FOXN3: variants seen among roughly 807,000 people sequenced by gnomAD.
FOXN3 encodes forkhead box protein N3.
A neutral mutation model predicts 38.4 loss-of-function variants in FOXN3; 7 were observed. The ratio of observed to expected loss-of-function variants is 0.18; its 90% confidence interval spans 0.10 to 0.34. The LOEUF (loss-of-function observed/expected upper bound fraction) is 0.34. Among genes scored for constraint, FOXN3 ranks in the 10% least tolerant of loss-of-function variants. The probability of loss-of-function intolerance (pLI) is 1.00; values close to 1 mark genes in which losing one functional copy is unlikely to be tolerated. For synonymous variants in FOXN3, 230 were observed against 242.2 expected (o/e 0.95, Z 0.47); for missense variants, 456 against 613.4 (o/e 0.74, Z 2.71).
intron 1 of FOXN3, among the ~76,000 whole-genome samples, chr14:89,591,526 T>C (rs375331150): frequency 6.6e-6 from 1 of 152,188 alleles, no homozygotes; most frequent in Non-Finnish European, 1.5e-5. Context: ...AGGCACACAG[T>C]ATCCAATAAG....
intron 3 of FOXN3, among the ~76,000 whole-genome samples, chr14:89,282,932 T>A (rs1293616248): frequency 6.6e-6 from 1 of 152,206 alleles, no homozygotes; most frequent in African/African-American, 2.4e-5. Flanking sequence ...CCTTTTAATG[T>A]ACTTAAATCA....
chr14:89,349,304 T>C (rs1284957610), intron 3 of FOXN3, among the ~76,000 whole-genome samples: 2 of 152,124 alleles, frequency 1.3e-5, no homozygotes, highest in Admixed American at 1.3e-4. Flanking sequence ...AATCCCACTT[T>C]CTCTCCTACA....
chr14:89,571,330 G>A (rs1200196918), intron 1 of FOXN3, among the ~76,000 whole-genome samples: 1 of 152,068 alleles, frequency 6.6e-6, no homozygotes, highest in Non-Finnish European at 1.5e-5. Context: ...CCAACATGGT[G>A]AAATCCCACC....
At chr14:89,321,247 C>T (rs185906490) in intron 3 of FOXN3, among the ~76,000 whole-genome samples, 6 of 151,422 alleles carry the variant, frequency 4.0e-5, no homozygotes, top group African/African-American at 7.3e-5. Flanking sequence ...GCAGAGATTG[C>T]GTTACTGCCC....
intron 1 of FOXN3, among the ~76,000 whole-genome samples, chr14:89,607,276 G>C (rs1358247523): frequency 6.6e-6 from 1 of 152,140 alleles, no homozygotes; most frequent in Non-Finnish European, 1.5e-5. Flanking sequence ...ACTCAGGTTT[G>C]GGCCAAGCCC....
At chr14:89,599,001 T>G (rs970892933) in intron 1 of FOXN3, among the ~76,000 whole-genome samples, 2 of 152,174 alleles carry the variant, frequency 1.3e-5, no homozygotes, top group African/African-American at 2.4e-5. Context: ...TGTCCCACTT[T>G]CTCTCTCCTC....
chr14:89,524,404 G>GAAAAAAAAAAAAAAAA (rs1894391517), intron 1 of FOXN3, among the ~76,000 whole-genome samples: 1 of 25,600 alleles, frequency 3.9e-5, no homozygotes, highest in Non-Finnish European at 6.1e-5. Context: ...AAAAAAAAAA[G>GAAAAAAAAAAAAAAAA]AAAGAAAGAA....
intron 1 of FOXN3, among the ~76,000 whole-genome samples, chr14:89,447,655 G>C (rs1892530819): frequency 6.6e-6 from 1 of 151,884 alleles, no homozygotes; most frequent in Admixed American, 6.6e-5. Context: ...AGACCGGCAG[G>C]CTCCCAAGGG....
rs1177663079 is a variant in FOXN3 at position 89,157,372 on chromosome 14, C to T, written c.*5042G>A. ...GTCACACACATTATTCATGATAAAG[C>T]AACCGAGCTGACGAGTCTGTGCTTA... is the stretch of plus-strand genomic sequence containing the variant. On this transcript the variant is annotated 3_prime_UTR_variant, in exon 6 of 6. Coordinates refer to ENST00000557258, the MANE Select transcript of FOXN3 (RefSeq NM_005197.4). 6.6e-6 allele frequency: 1 copy of T among 152,622 alleles called. No individual in the cohort carries two copies. The highest frequency in any genetic ancestry group is 1.5e-5 in the Non-Finnish European group (1 of 68,034). The allele number at this position is 152,622 out of a possible 1,614,324, so 9.5% of individuals were successfully genotyped here.
chr14:89,324,521 C>T lies in FOXN3; in HGVS notation c.680+26151G>A, dbSNP rs560335332. ...ATCTTTACTAGCAGGGAAAACAAAG[C>T]GGCAGTAGGATACATGAGAAAATAA... On this transcript the variant is annotated intron_variant, in intron 3 of 5. Transcript: ENST00000557258. Among the ~76,000 whole-genome samples, 48 of 150,800 alleles carry T rather than the reference C, an allele frequency of 3.2e-4. 1 individual carries two copies. The highest frequency in any genetic ancestry group is 8.5e-4 in the African/African-American group (35 of 40,994).
intron 1 of FOXN3, among the ~76,000 whole-genome samples, chr14:89,527,404 T>G (rs571977724): frequency 9.2e-5 from 14 of 152,360 alleles, no homozygotes; most frequent in African/African-American, 2.9e-4. Flanking sequence ...TAAGAATGTC[T>G]GCTCTTTGAA....
rs1299021624 is a variant in FOXN3, at chr14:89,414,053, G to C, written c.-14-1563C>G. Among the ~76,000 whole-genome samples the C allele has an allele frequency of 2.0e-5, 3 of 152,022 alleles. No individual in the cohort carries two copies. The East Asian group carries it at 5.8e-4, about 29-fold the overall frequency. On this transcript the variant is annotated intron_variant, in intron 1 of 5. Coordinates refer to ENST00000557258, the MANE Select transcript of FOXN3 (RefSeq NM_005197.4). ...ACATAGGCCAGGCATGGTAGCTCATGCTTATAATCCCATCACTTTGGGAGT... is the reference window on the plus strand; with the variant it reads ...ACATAGGCCAGGCATGGTAGCTCATCCTTATAATCCCATCACTTTGGGAGT...
chr14:89,457,477 T>C (rs1480193141), intron 1 of FOXN3, among the ~76,000 whole-genome samples: 1 of 152,202 alleles, frequency 6.6e-6, no homozygotes, highest in African/African-American at 2.4e-5. Context: ...TCTTACCGTA[T>C]GACCTTGGGC....
chr14:89,505,021 CA>C (rs2139794727), intron 1 of FOXN3, among the ~76,000 whole-genome samples: 1 of 152,316 alleles, frequency 6.6e-6, no homozygotes, highest in South Asian at 2.1e-4. Context: ...CAGCGAAATA[CA>C]GCATACGGTG....
At chr14:89,472,517 G>A (rs979782418) in intron 1 of FOXN3, among the ~76,000 whole-genome samples, 4 of 151,944 alleles carry the variant, frequency 2.6e-5, no homozygotes, top group South Asian at 2.1e-4. Flanking sequence ...TCAGGAGATC[G>A]AGACCACCTT....
At chr14:89,377,687 C>T (rs977474433) in intron 2 of FOXN3, among the ~76,000 whole-genome samples, 1 of 152,168 alleles carries the variant, frequency 6.6e-6, no homozygotes, top group African/African-American at 2.4e-5. Context: ...TCTGTAAAAC[C>T]TTATTGCAGA....
chr14:89,584,612 C>A (rs1445718493), intron 1 of FOXN3, among the ~76,000 whole-genome samples: 1 of 152,060 alleles, frequency 6.6e-6, no homozygotes, highest in African/African-American at 2.4e-5. Context: ...AATTTCATTT[C>A]CCTAAAGATT....
At chr14:89,418,379 G>A (rs11626401), upstream of FOXN3, among the ~76,000 whole-genome samples, 59,636 of 146,570 alleles carry the variant, frequency 0.41, 15,655 homozygotes, top group Admixed American at 0.55. Flanking sequence ...CACCAGTTAG[G>A]CTTCTGAAAA....
intron 3 of FOXN3, among the ~76,000 whole-genome samples, chr14:89,303,509 C>CAA (rs35221005): frequency 3.8e-4 from 52 of 138,000 alleles, no homozygotes; most frequent in South Asian, 4.6e-4. Flanking sequence ...AAAAAAAAAA[C>CAA]AAAAAAAAAA....
Sources: gnomAD v4.1 joint callset for allele counts (sites outside exome capture counted in the v4.1 genomes callset) on GRCh38, gnomAD v4.1.1 for gene constraint, MANE v1.5 for transcripts, NCBI Gene and HGNC (gene_info 2026-07-23, HGNC 2026-07-21) for gene names.